CTSS: variants seen among roughly 807,000 people sequenced by gnomAD.
The protein encoded by CTSS is cathepsin S.
Under a neutral mutation model 39.9 loss-of-function variants are expected in CTSS, and 15 were observed. The observed-to-expected ratio is 0.38, with a 90% CI of 0.25 to 0.58. CTSS has a LOEUF of 0.58. Ranked by LOEUF, CTSS falls within the 20% of genes least tolerant of loss-of-function variation. CTSS has a pLI of 0.70. For missense variants in CTSS, 250 were observed against 398.2 expected, an observed-to-expected ratio of 0.63 and a Z score of 3.17; for synonymous variants, 126 against 138.2, an observed-to-expected ratio of 0.91 and a Z score of 0.62.
chr1:150,763,325 G>C (rs1266870789), intron 2 of CTSS, among the ~76,000 whole-genome samples: 1 of 152,110 alleles, frequency 6.6e-6, no homozygotes, highest in Non-Finnish European at 1.5e-5. Context: ...TAGGCAAAGA[G>C]TACAGAGTTT....
intron 7 of CTSS, among the ~76,000 whole-genome samples, chr1:150,745,109 A>G (rs1652868061): frequency 6.6e-6 from 1 of 152,140 alleles, no homozygotes; most frequent in South Asian, 2.1e-4. Flanking sequence ...TACGAATATC[A>G]TCATCTTCTA....
Position 150,741,891 on chromosome 1 carries a change from G to C in CTSS, c.896+5886C>G, listed in dbSNP as rs587659692. 8.1e-3 allele frequency among the ~76,000 whole-genome samples: 1,222 copies of C among 151,574 alleles called. 9 individuals carry two copies. The highest frequency in any genetic ancestry group is 0.011 in the Non-Finnish European group (732 of 67,882). On this transcript the variant is annotated intron_variant, in intron 7 of 7. Coordinates refer to ENST00000368985, the MANE Select transcript of CTSS (RefSeq NM_004079.5). ...CTCTGTCTCAAAAAAAAAAGGGGGG[G>C]GGAAGAATATGAACATTTAAAAAGT...
In CTSS at chr1:150,756,287, C is replaced by T. The variant is rs587618430; in HGVS notation, c.250-1137G>A. Among the ~76,000 whole-genome samples, 162 of 152,316 alleles carry T rather than the reference C, an allele frequency of 1.1e-3. 3 individuals carry two copies. The highest frequency in any genetic ancestry group is 9.9e-3 in the Admixed American group (152 of 15,286). On this transcript the variant is annotated intron_variant, in intron 3 of 7. Coordinates refer to ENST00000368985, the MANE Select transcript of CTSS (RefSeq NM_004079.5). ...TCTCCTCTGATAACAATGTTTTCTA[C>T]TGGATGCCTCCTGAAGGACCTGCCT... is the stretch of plus-strand genomic sequence containing the variant.
intron 7 of CTSS, among the ~76,000 whole-genome samples, chr1:150,737,175 T>A (rs187713760): frequency 6.6e-6 from 1 of 152,188 alleles, no homozygotes; most frequent in Non-Finnish European, 1.5e-5. Context: ...CAACCTCGCC[T>A]CACTGCAACC....
intron 7 of CTSS, among the ~76,000 whole-genome samples, chr1:150,742,255 CA>C (rs1409402438): frequency 3.9e-4 from 54 of 140,034 alleles, no homozygotes; most frequent in African/African-American, 3.1e-4. Flanking sequence ...GACTCCATCT[CA>C]AAAAAAAAAA....
intron 7 of CTSS, among the ~76,000 whole-genome samples, chr1:150,741,955 T>C (rs1489706614): frequency 1.3e-5 from 2 of 151,332 alleles, no homozygotes; most frequent in East Asian, 3.9e-4. Flanking sequence ...AGAAAGAGAA[T>C]AGGCAGGGTA....
intron 4 of CTSS, among the ~76,000 whole-genome samples, chr1:150,754,302 C>G (rs1557813077): frequency 6.6e-6 from 1 of 151,212 alleles, no homozygotes; most frequent in African/African-American, 2.4e-5. Context: ...TCAGTAGAGA[C>G]GGGACTTCAC....
At chr1:150,745,759 A>C (rs1652881138) in intron 7 of CTSS, among the ~76,000 whole-genome samples, 2 of 152,154 alleles carry the variant, frequency 1.3e-5, no homozygotes, top group South Asian at 4.1e-4. Flanking sequence ...GATTGTCCTA[A>C]AGGCTGAGGA....
chr1:150,758,904 A>G (rs1241632673), intron 2 of CTSS, among the ~76,000 whole-genome samples: 1 of 148,972 alleles, frequency 6.7e-6, no homozygotes, highest in African/African-American at 2.5e-5. Flanking sequence ...GCTGGAGTGC[A>G]GTGGTATGAT....
rs1326687333 is a variant in CTSS at position 150,733,013 on chromosome 1, A to G, written c.*33T>C. 1 of 1,469,020 alleles carries G rather than the reference A, an allele frequency of 6.8e-7. No individual in the cohort carries two copies. Among genetic ancestry groups the G allele is most frequent in the Non-Finnish European group, 9.5e-7 (1 of 1,055,936 alleles). 91.0% of individuals were successfully genotyped at this position (1,469,020 alleles called of 1,614,324 possible). A position where few individuals can be genotyped will look rare whatever the true frequency, so the allele number is the denominator to read the frequency against. ...ATTAAGTTAAGAGAAAGTGCTTCATATTTCTTGATTTGTTATAAAAAGGAG... is the reference window on the plus strand; with the variant it reads ...ATTAAGTTAAGAGAAAGTGCTTCATGTTTCTTGATTTGTTATAAAAAGGAG... On this transcript the variant is annotated 3_prime_UTR_variant, in exon 8 of 8. Coordinates refer to ENST00000368985, the MANE Select transcript of CTSS (RefSeq NM_004079.5).
chr1:150,735,657 C>T (rs1035235501), intron 7 of CTSS, among the ~76,000 whole-genome samples: 1 of 152,054 alleles, frequency 6.6e-6, no homozygotes, highest in South Asian at 2.1e-4. Context: ...GGTGCAATCA[C>T]AGCTCACTGC....
chr1:150,738,417 A>G (rs775559430), intron 7 of CTSS, among the ~76,000 whole-genome samples: 1 of 151,866 alleles, frequency 6.6e-6, no homozygotes, highest in Non-Finnish European at 1.5e-5. Flanking sequence ...CCTGTGTCAC[A>G]TTTTGGCATT....
chr1:150,761,192 A>T (rs1653251990), intron 2 of CTSS, among the ~76,000 whole-genome samples: 1 of 151,764 alleles, frequency 6.6e-6, no homozygotes, highest in South Asian at 2.1e-4. Context: ...AAAAAAAAAA[A>T]AAAAAGAGAG....
intron 6 of CTSS, among the ~76,000 whole-genome samples, chr1:150,748,621 T>A (rs1652942549): frequency 1.3e-5 from 2 of 151,920 alleles, no homozygotes; most frequent in African/African-American, 4.8e-5. Flanking sequence ...TGCTCTGTTG[T>A]CTAGGCTGTA....
At chr1:150,765,133 C>T (rs953703245) in intron 1 of CTSS, among the ~76,000 whole-genome samples, 3 of 151,304 alleles carry the variant, frequency 2.0e-5, no homozygotes, top group Non-Finnish European at 4.4e-5. Flanking sequence ...TTAAGAGAGA[C>T]AAACCTCTGA....
rs587721927 is a variant in CTSS, at chr1:150,752,567, C to T, written c.400-559G>A. On this transcript the variant is annotated intron_variant, in intron 4 of 7. Transcript: ENST00000368985. The stretch of plus-strand genomic sequence containing the variant: ...TTAAAAGGGGCAGAGTGTCCAGAGC[C>T]CCATCATAATTGTTCTCTTTCTCTC... 3.9e-5 allele frequency among the ~76,000 whole-genome samples: 6 copies of T among 152,152 alleles called. No homozygotes were observed. In the East Asian group the frequency reaches 9.6e-4, roughly 24 times the overall value.
chr1:150,764,911 T>C, intron 1 of CTSS, 147 bp from the exon 2 acceptor site: 3 of 877,734 alleles, frequency 3.4e-6, no homozygotes, highest in Non-Finnish European at 5.2e-6. Flanking sequence ...TCCTGGGATA[T>C]ATAGTCACAG....
chr1:150,733,569 A>G (rs1273235790), intron 7 of CTSS, among the ~76,000 whole-genome samples: 1 of 152,198 alleles, frequency 6.6e-6, no homozygotes, highest in East Asian at 1.9e-4. Flanking sequence ...GACTACTATG[A>G]AAAAGGTATA....
At chr1:150,744,799 C>T (rs1652859696) in intron 7 of CTSS, among the ~76,000 whole-genome samples, 1 of 150,110 alleles carries the variant, frequency 6.7e-6, no homozygotes, top group African/African-American at 2.5e-5. Flanking sequence ...ATCTCCAGGG[C>T]CTAGATAATG....
Sources: gnomAD v4.1 joint callset for allele counts (sites outside exome capture counted in the v4.1 genomes callset) on GRCh38, gnomAD v4.1.1 for gene constraint, MANE v1.5 for transcripts, NCBI Gene and HGNC (gene_info 2026-07-23, HGNC 2026-07-21) for gene names.